Variants in PSPC1 observed in about 807,000 individuals in gnomAD.
PSPC1 encodes paraspeckle component 1.
A neutral mutation model predicts 51.6 loss-of-function variants in PSPC1; 14 were observed. That is an observed-to-expected ratio of 0.27 (90% CI 0.18 to 0.42). The LOEUF (loss-of-function observed/expected upper bound fraction) is 0.42, where lower values mean the gene tolerates loss of function less well. Among genes scored for constraint, PSPC1 ranks in the 10% least tolerant of loss-of-function variants. The probability of loss-of-function intolerance (pLI) is 1.00; values close to 1 mark genes in which losing one functional copy is unlikely to be tolerated. For missense variants in PSPC1, 406 were observed against 701.1 expected (o/e 0.58, Z 4.75); for synonymous variants, 193 against 231.9 (o/e 0.83, Z 1.53).
intron 5 of PSPC1, among the ~76,000 whole-genome samples, chr13:19,732,620 G>C (rs1440452813): frequency 6.6e-6 from 1 of 152,082 alleles, no homozygotes; most frequent in African/African-American, 2.4e-5. Context: ...ATTGCCACCT[G>C]AATGAGGATA....
chr13:19,714,862 TC>T (rs1207291636), intron 6 of PSPC1, among the ~76,000 whole-genome samples: 3 of 152,124 alleles, frequency 2.0e-5, no homozygotes, highest in Non-Finnish European at 4.4e-5. Flanking sequence ...TCCACAATTA[TC>T]TTTAAAGGTT....
At chr13:19,750,861 C>T (rs1886476351) in intron 4 of PSPC1, among the ~76,000 whole-genome samples, 1 of 152,000 alleles carries the variant, frequency 6.6e-6, no homozygotes, top group Non-Finnish European at 1.5e-5. Flanking sequence ...CCTCTACCTC[C>T]CGGGTTCAAG....
At chr13:19,733,781 A>AG (rs922984659) in intron 5 of PSPC1, among the ~76,000 whole-genome samples, 1 of 137,418 alleles carries the variant, frequency 7.3e-6, no homozygotes, top group African/African-American at 2.9e-5. Flanking sequence ...GAAAAAAGAA[A>AG]AAAAAATATA....
chr13:19,759,139 G>A (rs1026851292), intron 3 of PSPC1, among the ~76,000 whole-genome samples, 184 bp downstream of exon 3: 3 of 151,334 alleles, frequency 2.0e-5, no homozygotes, highest in African/African-American at 7.3e-5. Context: ...GACAGAGCAA[G>A]ATACTATCTC....
rs184963524 is a variant in PSPC1, at chr13:19,767,884, T to A, written c.674+4358A>T. Among the ~76,000 whole-genome samples, 49 of 152,172 alleles carry A rather than the reference T, an allele frequency of 3.2e-4. 1 individual carries two copies. Among genetic ancestry groups the A allele is most frequent in the African/African-American group, 1.1e-3 (46 of 41,528 alleles). ...AAAAATTGATGAAATTTGGACTTCA[T>A]AAAATATAAAAACATCTGCTCTTTG... On this transcript the variant is annotated intron_variant, in intron 2 of 8. Coordinates refer to ENST00000338910, the MANE Select transcript of PSPC1 (RefSeq NM_001354909.2).
At chr13:19,733,578 T>G (rs1884392601) in intron 5 of PSPC1, among the ~76,000 whole-genome samples, 1 of 151,884 alleles carries the variant, frequency 6.6e-6, no homozygotes, top group South Asian at 2.1e-4. Flanking sequence ...CTGGTCCACA[T>G]GGTAAAACCC....
chr13:19,710,116 T>G (rs1034237867), intron 6 of PSPC1, among the ~76,000 whole-genome samples: 3 of 151,380 alleles, frequency 2.0e-5, no homozygotes, highest in African/African-American at 4.8e-5. Flanking sequence ...ATTCATGTAT[T>G]TGTATTCATC....
At chr13:19,734,900 C>G (rs1275827048) in intron 5 of PSPC1, among the ~76,000 whole-genome samples, 1 of 151,736 alleles carries the variant, frequency 6.6e-6, no homozygotes, top group African/African-American at 2.4e-5. Flanking sequence ...ATCACTTGAA[C>G]CTGGGAAGTG....
At chr13:19,680,418 A>C (rs1248968600) in intron 6 of PSPC1, among the ~76,000 whole-genome samples, 1 of 152,242 alleles carries the variant, frequency 6.6e-6, no homozygotes, top group African/African-American at 2.4e-5. Context: ...AAAAGTGACA[A>C]GGCTGATTGT....
downstream of PSPC1, chr13:19,672,017 T>C: frequency 1.3e-6 from 1 of 786,012 alleles, no homozygotes; most frequent in Non-Finnish European, 2.1e-6. Context: ...TGTTGTAGTC[T>C]GTAAGATGCG....
At chr13:19,730,103 T>C (rs1001888649) in intron 6 of PSPC1, 136 bp downstream of exon 6, 9 of 661,980 alleles carry the variant, frequency 1.4e-5, no homozygotes, top group African/African-American at 1.8e-5. Flanking sequence ...GTTAAGAAAA[T>C]CACTAATTTA....
At chr13:19,751,784 G>A (rs1217212445) in intron 3 of PSPC1, among the ~76,000 whole-genome samples, 2 of 152,148 alleles carry the variant, frequency 1.3e-5, no homozygotes, top group Non-Finnish European at 2.9e-5. Flanking sequence ...CAGGCCGGGC[G>A]CAGTGGCTCA....
chr13:19,769,391 T>A (rs974816271), intron 2 of PSPC1, among the ~76,000 whole-genome samples: 1 of 151,592 alleles, frequency 6.6e-6, no homozygotes, highest in African/African-American at 2.4e-5. Flanking sequence ...CCGTCTCTAC[T>A]AAAAATACAA....
intron 6 of PSPC1, among the ~76,000 whole-genome samples, chr13:19,726,322 T>C (rs970472888): frequency 6.6e-6 from 1 of 152,196 alleles, no homozygotes; most frequent in African/African-American, 2.4e-5. Flanking sequence ...GAATCTTCGC[T>C]ACCAAAAAGA....
intron 1 of PSPC1, among the ~76,000 whole-genome samples, chr13:19,779,931 G>A (rs1889724539): frequency 1.6e-5 from 2 of 128,702 alleles, no homozygotes; most frequent in South Asian, 2.6e-4. Flanking sequence ...CCCCCCGCCC[G>A]GCCAGCCGCC....
chr13:19,771,761 C>G (rs577535869), intron 2 of PSPC1, among the ~76,000 whole-genome samples: 1 of 152,106 alleles, frequency 6.6e-6, no homozygotes, highest in Non-Finnish European at 1.5e-5. Context: ...GCTGGGACTA[C>G]AGGCATGCAC....
chr13:19,751,786 A>G (rs185911854), intron 3 of PSPC1, among the ~76,000 whole-genome samples: 5 of 152,278 alleles, frequency 3.3e-5, no homozygotes, highest in East Asian at 3.9e-4. Flanking sequence ...GGCCGGGCGC[A>G]GTGGCTCATG....
intron 6 of PSPC1, among the ~76,000 whole-genome samples, chr13:19,684,243 C>T (rs761383490): frequency 2.0e-5 from 3 of 152,118 alleles, no homozygotes; most frequent in Non-Finnish European, 4.4e-5. Context: ...AAAACAAAAA[C>T]AGTCAAGAAA....
At chr13:19,779,061 A>C (rs1489907486) in intron 1 of PSPC1, among the ~76,000 whole-genome samples, 6 of 104,496 alleles carry the variant, frequency 5.7e-5, no homozygotes, top group African/African-American at 1.8e-4. Flanking sequence ...TGCCCGGCCG[A>C]GACCCCGTCT....
Sources: gnomAD v4.1 joint callset for allele counts (sites outside exome capture counted in the v4.1 genomes callset) on GRCh38, gnomAD v4.1.1 for gene constraint, MANE v1.5 for transcripts, NCBI Gene and HGNC (gene_info 2026-07-23, HGNC 2026-07-21) for gene names.